The following KIAA2012 variants were observed in gnomAD, a reference collection of about 807,000 sequenced individuals.
The protein encoded by KIAA2012 is uncharacterized protein KIAA2012.
A neutral mutation model predicts 150.6 loss-of-function variants in KIAA2012; 125 were observed. The observed-to-expected ratio is 0.83, with a 90% CI of 0.72 to 0.96. The LOEUF (loss-of-function observed/expected upper bound fraction) is 0.96. KIAA2012 is among the 40% of genes least tolerant of loss of function. The pLI, the probability that KIAA2012 is intolerant of heterozygous loss-of-function variation, is 0.00. For synonymous variants in KIAA2012, 462 were observed against 504.7 expected, an observed-to-expected ratio of 0.92 and a Z score of 1.13; for missense variants, 1,219 against 1,354.9, an observed-to-expected ratio of 0.90 and a Z score of 1.57.
At chr2:202,185,641 T>G (rs1692213058) in intron 16 of KIAA2012, among the ~76,000 whole-genome samples, 3 of 151,672 alleles carry the variant, frequency 2.0e-5, no homozygotes, top group African/African-American at 7.3e-5. Flanking sequence ...TTTTTTTAAA[T>G]CAGGAGAAAA....
chr2:202,105,802 T>A lies in KIAA2012; in HGVS notation c.1366T>A (p.Ser456Thr), dbSNP rs1257533008. The change falls in exon 9 of 24, where the codon TCC (serine) becomes ACC (threonine). Residue 456 changes from serine to threonine, a missense_variant. Transcript: ENST00000498697. The part of the protein sequence containing the change: ...PESEPESSEE[S>T]TPVWRPPLKH... ...GTCAGAACCAGAAAGCAGCGAAGAA[T>A]CCACACCTGTGTGGAGACCTCCCCT... is the stretch of plus-strand genomic sequence containing the variant. 6.4e-7 allele frequency: 1 copy of A among 1,550,670 alleles called. No homozygotes were observed. Among genetic ancestry groups the A allele is most frequent in the African/African-American group, 1.4e-5 (1 of 73,168 alleles).
At chr2:202,100,273 T>G in intron 6 of KIAA2012, 34 bp from the exon 7 acceptor site, 1 of 1,537,096 alleles carries the variant, frequency 6.5e-7, no homozygotes, top group Non-Finnish European at 8.8e-7. Flanking sequence ...CTACCTGCAA[T>G]TAATATATTC....
chr2:202,129,040 G>A (rs538648442), intron 12 of KIAA2012, among the ~76,000 whole-genome samples: 5 of 152,008 alleles, frequency 3.3e-5, no homozygotes, highest in Admixed American at 6.6e-5. Flanking sequence ...GCAGGGTCGC[G>A]GTGGCAGAGG....
At chr2:202,087,510 CA>C (rs59728832) in intron 2 of KIAA2012, among the ~76,000 whole-genome samples, 7,395 of 52,164 alleles carry the variant, frequency 0.14, 101 homozygotes, top group South Asian at 0.27. Flanking sequence ...GAAACCATCT[CA>C]AAAAAAAAAA....
chr2:202,198,570 A>G (rs565429235), intron 22 of KIAA2012, among the ~76,000 whole-genome samples: 1 of 152,302 alleles, frequency 6.6e-6, no homozygotes, highest in African/African-American at 2.4e-5. Flanking sequence ...AGTGATTATC[A>G]TTGCATCTTT....
intron 17 of KIAA2012, 28 bp downstream of exon 17, chr2:202,187,126 C>G: frequency 6.5e-7 from 1 of 1,546,970 alleles, no homozygotes; most frequent in Non-Finnish European, 8.7e-7. Flanking sequence ...AAAGCTTGGT[C>G]CAAAAGCCCT....
At chr2:202,116,165 GAA>G (rs1690516536) in intron 11 of KIAA2012, 1 of 152,182 alleles carries the variant, frequency 6.6e-6, no homozygotes, top group African/African-American at 2.4e-5. Flanking sequence ...GTTTTACAAA[GAA>G]GTTCAAGGAT....
chr2:202,201,736 CA>C, intron 22 of KIAA2012: 1 of 1,458,584 alleles, frequency 6.9e-7, no homozygotes, highest in Non-Finnish European at 9.6e-7. Flanking sequence ...CTGGGGTGCA[CA>C]AAGCTTGGAT....
rs894589812 is a variant in KIAA2012, at chr2:202,108,546, C to T, written c.1475-1067C>T. Among the ~76,000 whole-genome samples, 3 of 152,126 alleles carry T rather than the reference C, an allele frequency of 2.0e-5. No homozygotes were observed. In the South Asian group the frequency reaches 6.2e-4, roughly 32 times the overall value. On this transcript the variant is annotated intron_variant, in intron 9 of 23. Transcript: ENST00000498697. Reference sequence around the variant, plus strand: ...CCCCCAGTCTTGTTTTTCATGACATCGACATTTTTGAAGAAGATGGGCCAG... The same window carrying T: ...CCCCCAGTCTTGTTTTTCATGACATTGACATTTTTGAAGAAGATGGGCCAG...
intron 11 of KIAA2012, among the ~76,000 whole-genome samples, chr2:202,120,979 T>C (rs1690640812): frequency 6.6e-6 from 1 of 152,174 alleles, no homozygotes; most frequent in South Asian, 2.1e-4. Flanking sequence ...CCAGACTCAC[T>C]TGCAGCTAGG....
intron 22 of KIAA2012, among the ~76,000 whole-genome samples, chr2:202,199,920 A>ATT (rs71025287): frequency 0.16 from 12,083 of 76,264 alleles, 3,104 homozygotes; most frequent in Non-Finnish European, 0.17. Context: ...GCCCCTCATA[A>ATT]TTTTTTTTTT....
intron 16 of KIAA2012, 146 bp from the exon 17 acceptor site, chr2:202,186,787 T>C (rs1692236103): frequency 1.5e-6 from 1 of 677,608 alleles, no homozygotes; most frequent in Admixed American, 2.9e-5. Flanking sequence ...CCATGGGATG[T>C]GCAGAAGAAA....
At chr2:202,140,779 G>A (rs1691181825) in intron 13 of KIAA2012, among the ~76,000 whole-genome samples, 1 of 152,074 alleles carries the variant, frequency 6.6e-6, no homozygotes, top group African/African-American at 2.4e-5. Context: ...GCAATCCAGG[G>A]GATTCCTTCC....
intron 8 of KIAA2012, 66 bp from the exon 9 acceptor site, chr2:202,105,695 A>G: frequency 6.6e-7 from 1 of 1,515,886 alleles, no homozygotes; most frequent in Non-Finnish European, 8.9e-7. Context: ...TAGGTCCCCA[A>G]AAGAAGAGAC....
At chr2:202,194,528 A>C (rs1293403201) in intron 21 of KIAA2012, among the ~76,000 whole-genome samples, 166 bp downstream of exon 21, 1 of 52,776 alleles carries the variant, frequency 1.9e-5, no homozygotes, top group Non-Finnish European at 4.3e-5. Flanking sequence ...TAATTTGTTA[A>C]TATAGATTTA....
At chr2:202,193,751 T>A (rs990609353) in intron 20 of KIAA2012, among the ~76,000 whole-genome samples, 1 of 152,320 alleles carries the variant, frequency 6.6e-6, no homozygotes, top group Non-Finnish European at 1.5e-5. Context: ...TAGAACCCCA[T>A]GTGAGGGTTA....
rs1381077759 is a variant in KIAA2012 at position 202,097,508 on chromosome 2, T to C, written c.759T>C (p.His253=). ...ACCAGGGCCCTCTAGCCAAGAACCA[T>C]GGCAGTCAGGGGACTCGCTTGCCAC... is the stretch of plus-strand genomic sequence containing the variant. ...HVDQGPLAKN[H]GSQGTRLPPR... is the part of the protein sequence containing the mutation. The change falls in exon 5 of 24, where the codon CAT becomes CAC. Residue 253 remains histidine, a synonymous_variant. Transcript: ENST00000498697. 6.5e-7 allele frequency: 1 copy of C among 1,549,982 alleles called. No homozygotes were observed. The highest frequency in any genetic ancestry group is 1.2e-5 in the South Asian group (1 of 84,030).
Position 202,073,579 on chromosome 2 carries a change from T to G in KIAA2012, c.-49T>G, listed in dbSNP as rs955669816. The stretch of plus-strand genomic sequence containing the variant: ...CTTGAGGTGTGACCAGATTTCAGCC[T>G]TCAAAACCAAGATGGACTGCCCTTG... On this transcript the variant is annotated 5_prime_UTR_variant, in exon 1 of 24. Transcript: ENST00000498697. The G allele has an allele frequency of 2.6e-6, 4 of 1,531,650 alleles. No homozygotes were observed. The highest frequency in any genetic ancestry group is 3.5e-6 in the Non-Finnish European group (4 of 1,132,108). 94.9% of individuals were successfully genotyped at this position (1,531,650 alleles called of 1,614,324 possible). A position where few individuals can be genotyped will look rare whatever the true frequency, so the allele number is the denominator to read the frequency against.
At chr2:202,141,150 G>A (rs968518490) in intron 13 of KIAA2012, among the ~76,000 whole-genome samples, 2 of 152,172 alleles carry the variant, frequency 1.3e-5, no homozygotes, top group Admixed American at 1.3e-4. Context: ...CCGCTGTGAT[G>A]GGAGAGCCTT....
Sources: gnomAD v4.1 joint callset for allele counts (sites outside exome capture counted in the v4.1 genomes callset) on GRCh38, gnomAD v4.1.1 for gene constraint, MANE v1.5 for transcripts, NCBI Gene and HGNC (gene_info 2026-07-23, HGNC 2026-07-21) for gene names.